CAPN13: variants seen among roughly 807,000 people sequenced by gnomAD.
CAPN13 encodes calpain 13.
Under a neutral mutation model 98.4 loss-of-function variants are expected in CAPN13, and 90 were observed. The ratio of observed to expected loss-of-function variants is 0.92; its 90% confidence interval spans 0.77 to 1.09. The LOEUF is 1.09. CAPN13 is among the 50% of genes least tolerant of loss of function. The pLI, the probability that CAPN13 is intolerant of heterozygous loss-of-function variation, is 0.00. For synonymous variants in CAPN13, 330 were observed against 305.5 expected (o/e 1.08, Z -0.84); for missense variants, 887 against 841.3 (o/e 1.05, Z -0.67).
intron 20 of CAPN13, among the ~76,000 whole-genome samples, chr2:30,731,969 A>G (rs1671120662): frequency 6.6e-6 from 1 of 152,036 alleles, no homozygotes; most frequent in African/African-American, 2.4e-5. Context: ...TCGGGGTTTC[A>G]CACTAGATTT....
chr2:30,740,686 C>T (rs968662022), intron 15 of CAPN13, among the ~76,000 whole-genome samples: 1 of 152,248 alleles, frequency 6.6e-6, no homozygotes, highest in Non-Finnish European at 1.5e-5. Context: ...GGCCACCAGT[C>T]ACCCTCTATG....
At chr2:30,740,073 T>C (rs1465340973) in intron 15 of CAPN13, among the ~76,000 whole-genome samples, 1 of 145,956 alleles carries the variant, frequency 6.9e-6, no homozygotes, top group Admixed American at 7.3e-5. Flanking sequence ...TATCAAGTCA[T>C]TGTATTAGGT....
At chr2:30,733,268 C>G (rs1238664202) in intron 19 of CAPN13, among the ~76,000 whole-genome samples, 1 of 152,174 alleles carries the variant, frequency 6.6e-6, no homozygotes, top group Non-Finnish European at 1.5e-5. Flanking sequence ...CAGCCAGAGA[C>G]ACAGGAGGTT....
chr2:30,803,206 G>A (rs1675398124), intron 1 of CAPN13, among the ~76,000 whole-genome samples: 1 of 152,240 alleles, frequency 6.6e-6, no homozygotes, highest in South Asian at 2.1e-4. Context: ...TTGGCGAGAA[G>A]AACAGGGGCA....
intron 5 of CAPN13, among the ~76,000 whole-genome samples, chr2:30,768,048 G>A (rs1331112481): frequency 1.3e-5 from 2 of 152,166 alleles, no homozygotes; most frequent in Admixed American, 1.3e-4. Context: ...TCAAGGGCAT[G>A]GTCCTCTCTG....
At chr2:30,748,119 C>G (rs1221349814) in intron 11 of CAPN13, among the ~76,000 whole-genome samples, 1 of 152,222 alleles carries the variant, frequency 6.6e-6, no homozygotes, top group African/African-American at 2.4e-5. Flanking sequence ...CTGTGGGCTT[C>G]TGTCTTAGCT....
At chr2:30,786,742 G>T (rs1035929698) in intron 2 of CAPN13, among the ~76,000 whole-genome samples, 1 of 152,124 alleles carries the variant, frequency 6.6e-6, no homozygotes, top group Admixed American at 6.5e-5. Flanking sequence ...AAGGAAAAAA[G>T]AATATAAAGA....
At chr2:30,802,463 ATGTGTG>A (rs60572949) in intron 1 of CAPN13, among the ~76,000 whole-genome samples, 21 of 140,108 alleles carry the variant, frequency 1.5e-4, no homozygotes, top group East Asian at 4.2e-4. Flanking sequence ...GTGTGTGTGT[ATGTGTG>A]TGTGTGTGTG....
rs1671157996 is a variant in CAPN13 at position 30,732,548 on chromosome 2, A to G, written c.1817T>C (p.Phe606Ser). 1 of 1,609,552 alleles carries G rather than the reference A, an allele frequency of 6.2e-7. No individual in the cohort carries two copies. Among genetic ancestry groups the G allele is most frequent in the Non-Finnish European group, 8.5e-7 (1 of 1,178,350 alleles). The stretch of plus-strand genomic sequence containing the variant: ...CAGATGCAGCAGCTCACGGCTGATG[A>G]AGATCCCTCTGAGGAAGTCTGGGGC... The part of the protein sequence containing the change: ...IENTDFLRGI[F>S]ISRELLHLVT... Residue 606 changes from phenylalanine (F) to serine (S), a missense_variant, in exon 20 of 23, where the codon TTC becomes TCC. Coordinates refer to ENST00000295055, the MANE Select transcript of CAPN13 (RefSeq NM_144575.3).
intron 18 of CAPN13, among the ~76,000 whole-genome samples, 158 bp downstream of exon 18, chr2:30,736,345 A>G (rs935089535): frequency 6.6e-6 from 1 of 152,110 alleles, no homozygotes; most frequent in East Asian, 1.9e-4. Flanking sequence ...TTGGAGTTGC[A>G]CTATGTCTCC....
intron 11 of CAPN13, among the ~76,000 whole-genome samples, chr2:30,749,621 G>A (rs1338005036): frequency 1.3e-5 from 2 of 152,206 alleles, no homozygotes; most frequent in Non-Finnish European, 2.9e-5. Context: ...TGCTCAGAAA[G>A]GTGACTTGTG....
intron 21 of CAPN13, among the ~76,000 whole-genome samples, chr2:30,731,056 T>C (rs1318088182): frequency 6.6e-6 from 1 of 152,230 alleles, no homozygotes; most frequent in Non-Finnish European, 1.5e-5. Flanking sequence ...ATAAGTTTAA[T>C]GTACAGTGAG....
intron 4 of CAPN13, among the ~76,000 whole-genome samples, chr2:30,770,785 T>C (rs140645320): frequency 6.6e-6 from 1 of 152,346 alleles, no homozygotes; most frequent in East Asian, 1.9e-4. Context: ...CAGGTACTTC[T>C]TGTGCACAAA....
intron 18 of CAPN13, among the ~76,000 whole-genome samples, chr2:30,735,503 C>A (rs547978932): frequency 6.6e-6 from 1 of 152,310 alleles, no homozygotes; most frequent in Admixed American, 6.5e-5. Context: ...TTCGTTCATT[C>A]GGAATTTCTT....
chr2:30,743,838 A>G (rs1314720942), intron 12 of CAPN13: 2 of 594,220 alleles, frequency 3.4e-6, no homozygotes, highest in Admixed American at 4.5e-5. Flanking sequence ...CAGCATCCTG[A>G]GTTTCTGAGT....
At chr2:30,731,496 G>T in intron 20 of CAPN13, 97 bp from the exon 21 acceptor site, 1 of 1,058,884 alleles carries the variant, frequency 9.4e-7, no homozygotes, top group Non-Finnish European at 1.4e-6. Flanking sequence ...CACAGGAGGT[G>T]ATTCTGTAAA....
rs1281712201 is a variant in CAPN13 at position 30,743,485 on chromosome 2, G to A, written c.1343C>T (p.Thr448Ile). 1.2e-6 allele frequency: 2 copies of A among 1,613,984 alleles called. No individual in the cohort carries two copies. The highest frequency in any genetic ancestry group is 1.1e-5 in the South Asian group (1 of 91,084). ...NNKFRRNFTMTYHLSPGNYVV... is the reference protein window; with the variant it reads ...NNKFRRNFTMIYHLSPGNYVV... ...ATAGTTCCCAGGGCTCAGATGGTAAGTCATGGTGAAGTTGCGGCGGAATTT... is the reference window on the plus strand; with the variant it reads ...ATAGTTCCCAGGGCTCAGATGGTAAATCATGGTGAAGTTGCGGCGGAATTT... The change falls in exon 13 of 23, where the codon ACT becomes ATT. Residue 448 changes from threonine to isoleucine, a missense_variant. Coordinates refer to ENST00000295055, the MANE Select transcript of CAPN13 (RefSeq NM_144575.3).
intron 4 of CAPN13, among the ~76,000 whole-genome samples, 186 bp from the exon 5 acceptor site, chr2:30,770,635 A>G (rs1302850836): frequency 6.6e-6 from 1 of 152,266 alleles, no homozygotes; most frequent in African/African-American, 2.4e-5. Flanking sequence ...CAGATGGAGA[A>G]AATGAGTCAC....
Position 30,750,970 on chromosome 2 carries a change from C to T in CAPN13, c.1236+133G>A, listed in dbSNP as rs559597248. 9.9e-6 allele frequency: 10 copies of T among 1,006,986 alleles called. No homozygotes were observed. In the African/African-American group the frequency reaches 1.5e-4, roughly 15 times the overall value. The allele number at this position is 1,006,986 out of a possible 1,614,324, so 62.4% of individuals were successfully genotyped here. On this transcript the variant is annotated intron_variant, in intron 11 of 22. Transcript: ENST00000295055. ...CATTTAGACTTGGACTGCATGAATG[C>T]TACAGCCTCTTTGGGCTTTATCTCC...
Sources: allele counts gnomAD v4.1 joint callset (sites outside exome capture counted in the v4.1 genomes callset), GRCh38; gene constraint gnomAD v4.1.1; transcripts MANE v1.5; gene names NCBI Gene and HGNC (gene_info 2026-07-23, HGNC 2026-07-21).